The following EEA1 variants were observed in gnomAD, a reference collection of about 807,000 sequenced individuals.
EEA1 encodes the protein early endosome antigen 1, 162kD.
In EEA1, 111 loss-of-function variants were observed where a neutral mutation model predicts 209.2. The observed-to-expected ratio is 0.53, with a 90% CI of 0.45 to 0.62. The LOEUF (loss-of-function observed/expected upper bound fraction) is 0.62. EEA1 is among the 20% of genes least tolerant of loss of function. The probability of loss-of-function intolerance (pLI) is 0.00; values close to 1 mark genes in which losing one functional copy is unlikely to be tolerated. For missense variants in EEA1, 1,343 were observed against 1,530.8 expected (o/e 0.88, Z 2.05); for synonymous variants, 536 against 540.6 (o/e 0.99, Z 0.12).
chr12:92,901,716 C>T lies in EEA1; in HGVS notation c.25-9995G>A, dbSNP rs967805538. On this transcript the variant is annotated intron_variant, in intron 1 of 28. Coordinates refer to ENST00000322349, the MANE Select transcript of EEA1 (RefSeq NM_003566.4). ...CCAAGTAGCTGGGACTACAGGTGCACGCCACCATGCCCAGCTAATTTTTTG... is the reference window on the plus strand; with the variant it reads ...CCAAGTAGCTGGGACTACAGGTGCATGCCACCATGCCCAGCTAATTTTTTG... Among the ~76,000 whole-genome samples the T allele has an allele frequency of 1.3e-4, 20 of 151,974 alleles. No individual in the cohort carries two copies. In the East Asian group the frequency reaches 2.5e-3, roughly 19 times the overall value.
At chr12:92,891,256 AAAT>A (rs1879645117) in intron 2 of EEA1, among the ~76,000 whole-genome samples, 1 of 152,114 alleles carries the variant, frequency 6.6e-6, no homozygotes, top group Admixed American at 6.5e-5. Context: ...TGAAGACAGT[AAAT>A]AATATGTAAA....
At chr12:92,789,661 A>G (rs1399468281) in intron 21 of EEA1, among the ~76,000 whole-genome samples, 3 of 152,172 alleles carry the variant, frequency 2.0e-5, no homozygotes, top group Non-Finnish European at 2.9e-5. Context: ...AACAAGCCCT[A>G]CTGCCTCTAG....
chr12:92,793,710 AG>A, intron 21 of EEA1, among the ~76,000 whole-genome samples: 1 of 152,184 alleles, frequency 6.6e-6, no homozygotes, highest in East Asian at 1.9e-4. Flanking sequence ...TACTGCCCAA[AG>A]TAATTTATAG....
chr12:92,853,933 C>A lies in EEA1; in HGVS notation c.388G>T (p.Val130Leu). The A allele has an allele frequency of 6.2e-7, 1 of 1,600,332 alleles. No individual in the cohort carries two copies. The highest frequency in any genetic ancestry group is 1.1e-5 in the South Asian group (1 of 88,182). The change falls in exon 6 of 29, where the codon GTG (valine) becomes TTG (leucine). Residue 130 changes from valine (V) to leucine (L), a missense_variant. Physicochemically the swap from Val to Leu is conservative, Grantham distance 32. Around this residue, in one of 3 missense-constraint regions of EEA1, gnomAD observed 1,307 missense variants for 1,465.5 expected, o/e 0.89. Transcript: ENST00000322349. Reference sequence around the variant, plus strand: ...AAGTTACCTGCTGATGAATCAGTCACCAACCCATCAGGTTTGGCCTCCTCA... The same window carrying A: ...AAGTTACCTGCTGATGAATCAGTCAACAACCCATCAGGTTTGGCCTCCTCA... ...QQQEAKPDGL[V>L]TDSSAELQSL...
At chr12:92,902,426 C>CAATG (rs1880186362) in intron 1 of EEA1, among the ~76,000 whole-genome samples, 1 of 152,072 alleles carries the variant, frequency 6.6e-6, no homozygotes, top group Non-Finnish European at 1.5e-5. Context: ...CTATCCCTTG[C>CAATG]AATGAATAGA....
At chr12:92,817,083 A>AT (rs909855285) in intron 14 of EEA1, among the ~76,000 whole-genome samples, 9 of 151,050 alleles carry the variant, frequency 6.0e-5, no homozygotes, top group African/African-American at 2.2e-4. Flanking sequence ...AAAAATTAAA[A>AT]TTTTTTCAGC....
chr12:92,869,543 A>G, intron 2 of EEA1, among the ~76,000 whole-genome samples: 1 of 151,534 alleles, frequency 6.6e-6, no homozygotes, highest in African/African-American at 2.4e-5. Flanking sequence ...CAGGAGTTCT[A>G]GACTACCCTA....
At chr12:92,897,065 T>C (rs1379175194) in intron 1 of EEA1, among the ~76,000 whole-genome samples, 1 of 152,094 alleles carries the variant, frequency 6.6e-6, no homozygotes, top group Non-Finnish European at 1.5e-5. Flanking sequence ...TAGTCCCAGC[T>C]ACCAGTGAGG....
At chr12:92,923,108 G>A (rs1012257740) in intron 1 of EEA1, among the ~76,000 whole-genome samples, 13 of 152,258 alleles carry the variant, frequency 8.5e-5, no homozygotes, top group Non-Finnish European at 1.5e-4. Context: ...AGCACTTTGG[G>A]AGGCTGAGGC....
At chr12:92,816,113 T>C (rs1326955890) in intron 15 of EEA1, 87 bp downstream of exon 15, 3 of 1,211,182 alleles carry the variant, frequency 2.5e-6, no homozygotes, top group Admixed American at 4.9e-5. Context: ...TCAATTAATA[T>C]GCAAGGTAAA....
At position 92,777,644 on chromosome 12, in the gene EEA1, C is replaced by T. The variant is rs1873714735; in HGVS notation, c.3913G>A (p.Glu1305Lys). The T allele has an allele frequency of 6.2e-7, 1 of 1,611,672 alleles. No homozygotes were observed. Among genetic ancestry groups the T allele is most frequent in the Non-Finnish European group, 8.5e-7 (1 of 1,178,674 alleles). Residue 1305 changes from glutamate (E) to lysine (K), a missense_variant, in exon 27 of 29, where the codon GAA (glutamate) becomes AAA (lysine). By Grantham distance (56) the Glu-to-Lys change is moderately conservative. Around this residue, in one of 3 missense-constraint regions of EEA1, gnomAD observed 1,307 missense variants for 1,465.5 expected, o/e 0.89. Coordinates refer to ENST00000322349, the MANE Select transcript of EEA1 (RefSeq NM_003566.4). ...ACTTTGGTTTGAAGCTTTTCTATTT[C>T]ACCTTCTCCTTTAAGACATCTGGAA... ...LLERCLKGEG[E>K]IEKLQTKVLE...
intron 1 of EEA1, among the ~76,000 whole-genome samples, chr12:92,899,942 T>C (rs1880079259): frequency 6.6e-6 from 1 of 152,212 alleles, no homozygotes; most frequent in African/African-American, 2.4e-5. Flanking sequence ...CTTCAGAGGG[T>C]GAACTTCCAT....
At chr12:92,919,026 C>T (rs1237938415) in intron 1 of EEA1, among the ~76,000 whole-genome samples, 12 of 139,984 alleles carry the variant, frequency 8.6e-5, no homozygotes, top group South Asian at 2.3e-4. Context: ...GACACATACA[C>T]TCTCCCAAGA....
At chr12:92,842,397 G>A in intron 10 of EEA1, 68 bp downstream of exon 10, 1 of 783,484 alleles carries the variant, frequency 1.3e-6, no homozygotes. Flanking sequence ...ATTTTTTAAA[G>A]TATGTAAGAT....
intron 18 of EEA1, among the ~76,000 whole-genome samples, chr12:92,803,539 T>C (rs1290737122): frequency 1.3e-5 from 2 of 152,124 alleles, no homozygotes; most frequent in South Asian, 2.1e-4. Flanking sequence ...CTAGTTCCAA[T>C]GTAATCAGAA....
At chr12:92,814,293 T>C (rs191367620) in intron 15 of EEA1, among the ~76,000 whole-genome samples, 21 of 152,268 alleles carry the variant, frequency 1.4e-4, no homozygotes, top group Admixed American at 3.3e-4. Flanking sequence ...GATTTAAAGG[T>C]GAAAACTAAA....
At position 92,773,019 on chromosome 12, in the gene EEA1, C is replaced by T. The variant is rs928211161; in HGVS notation, c.*2992G>A. ...AAATTCAGGCTAAGGGCAATTAAGA[C>T]ACAATAATGTGTGGCACGTTATAAT... On this transcript the variant is annotated 3_prime_UTR_variant, in exon 29 of 29. Transcript: ENST00000322349. 1.3e-5 allele frequency: 2 copies of T among 152,088 alleles called. No individual in the cohort carries two copies. The highest frequency in any genetic ancestry group is 3.0e-5 in the Non-Finnish European group (2 of 67,690). 9.4% of individuals were successfully genotyped at this position (152,088 alleles called of 1,614,324 possible).
chr12:92,852,273 C>T lies in EEA1; in HGVS notation c.544G>A (p.Glu182Lys), dbSNP rs1467415988. ...IADIKSKYDE[E>K]RSLREAAEQK... ...TCAGCAGCTTCTCGAAGACTCCTTT[C>T]TTCATCATACTTTGACTTTATATCT... The change falls in exon 8 of 29, where the codon GAA becomes AAA. Residue 182 changes from glutamate to lysine, a missense_variant. Glu to Lys is a moderately conservative substitution (Grantham distance 56). Coordinates refer to ENST00000322349, the MANE Select transcript of EEA1 (RefSeq NM_003566.4). 2 of 1,591,622 alleles carry T rather than the reference C, an allele frequency of 1.3e-6. No individual in the cohort carries two copies. The highest frequency in any genetic ancestry group is 2.7e-5 in the African/African-American group (2 of 73,850).
At chr12:92,845,871 T>C (rs1046750382) in intron 9 of EEA1, among the ~76,000 whole-genome samples, 1 of 152,150 alleles carries the variant, frequency 6.6e-6, no homozygotes. Flanking sequence ...ACTAAAGGAA[T>C]GAGTAATTAT....
Sources: gnomAD v4.1 joint callset for allele counts (sites outside exome capture counted in the v4.1 genomes callset) on GRCh38, gnomAD v4.1.1 for gene constraint, gnomAD v4.1.1 regional missense constraint, MANE v1.5 for transcripts, NCBI Gene and HGNC (gene_info 2026-07-23, HGNC 2026-07-21) for gene names.